NPR3: variants seen among roughly 807,000 people sequenced by gnomAD.
The protein encoded by NPR3 is atrial natriuretic peptide receptor 3.
A neutral mutation model predicts 54.5 loss-of-function variants in NPR3; 34 were observed. The observed-to-expected ratio is 0.62, with a 90% confidence interval of 0.47 to 0.83. The LOEUF (loss-of-function observed/expected upper bound fraction) is 0.83, where lower values mean the gene tolerates loss of function less well. Among genes scored for constraint, NPR3 ranks in the 40% least tolerant of loss-of-function variants. NPR3 has a pLI of 0.00. For missense variants in NPR3, 674 were observed against 720.8 expected (o/e 0.94, Z 0.74); for synonymous variants, 289 against 297.1 (o/e 0.97, Z 0.28).
At chr5:32,732,569 A>G (rs1739519228) in intron 2 of NPR3, among the ~76,000 whole-genome samples, 2 of 152,226 alleles carry the variant, frequency 1.3e-5, no homozygotes, top group African/African-American at 4.8e-5. Flanking sequence ...TAGGAAGGCA[A>G]CTGTCCATCT....
At chr5:32,746,379 T>C (rs575720918) in intron 3 of NPR3, among the ~76,000 whole-genome samples, 2 of 152,230 alleles carry the variant, frequency 1.3e-5, no homozygotes, top group African/African-American at 4.8e-5. Flanking sequence ...TAGCAAAAAG[T>C]AGAAAATTAT....
intron 3 of NPR3, among the ~76,000 whole-genome samples, chr5:32,740,889 CAT>C (rs766262431): frequency 2.8e-4 from 42 of 152,046 alleles, no homozygotes; most frequent in Non-Finnish European, 2.8e-4. Flanking sequence ...TTTAAGGAAA[CAT>C]GTGATAGTGT....
At chr5:32,742,299 C>A (rs569066525) in intron 3 of NPR3, among the ~76,000 whole-genome samples, 225 of 152,066 alleles carry the variant, frequency 1.5e-3, no homozygotes, top group Non-Finnish European at 2.4e-3. Context: ...CTTTTAAATT[C>A]TTCTACTTTT....
rs181602308 is a variant in NPR3 at position 32,747,537 on chromosome 5, T to C, written c.1059+8507T>C. On this transcript the variant is annotated intron_variant, in intron 3 of 7. Coordinates refer to ENST00000265074, the MANE Select transcript of NPR3 (RefSeq NM_001204375.2). ...AGTTTTTTATTTGCTTCTGTGCCTA[T>C]GTAGTTCTTACTGTTTCATTTTCAC... Among the ~76,000 whole-genome samples the C allele has an allele frequency of 2.2e-3, 340 of 152,300 alleles. 2 individuals carry two copies. The highest frequency in any genetic ancestry group is 3.6e-3 in the Non-Finnish European group (245 of 68,020).
intron 1 of NPR3, among the ~76,000 whole-genome samples, chr5:32,713,921 A>T (rs1390221979): frequency 1.3e-5 from 2 of 152,232 alleles, no homozygotes; most frequent in Admixed American, 1.3e-4. Flanking sequence ...CTACCAGCCA[A>T]GCAGGCGGGG....
At chr5:32,745,361 C>A (rs1007803784) in intron 3 of NPR3, among the ~76,000 whole-genome samples, 2 of 152,168 alleles carry the variant, frequency 1.3e-5, no homozygotes, top group Admixed American at 1.3e-4. Context: ...CTGGCCTTTT[C>A]TGGTGGTTTC....
upstream of NPR3, among the ~76,000 whole-genome samples, chr5:32,705,521 T>C (rs896450153): frequency 1.5e-4 from 23 of 152,122 alleles, no homozygotes; most frequent in African/African-American, 5.3e-4. Context: ...AAAGGGGAAG[T>C]AGGCATGTCT....
chr5:32,753,071 A>G (rs548414253), intron 3 of NPR3, among the ~76,000 whole-genome samples: 13 of 152,338 alleles, frequency 8.5e-5, no homozygotes, highest in African/African-American at 3.1e-4. Context: ...TTTCAAAAAT[A>G]CTATTGAAGT....
rs973155890 is a variant in NPR3, at chr5:32,775,637, G to A, written c.1195+794G>A. Among the ~76,000 whole-genome samples the A allele has an allele frequency of 6.6e-5, 10 of 151,750 alleles. No homozygotes were observed. The South Asian group carries it at 1.3e-3, about 19-fold the overall frequency. ...TTTGAGATGGAGTCTCGCTCTTGTCGCCCAGGCTGGGATGCAATGGAGCAA... is the reference window on the plus strand; with the variant it reads ...TTTGAGATGGAGTCTCGCTCTTGTCACCCAGGCTGGGATGCAATGGAGCAA... On this transcript the variant is annotated intron_variant, in intron 4 of 7. Coordinates refer to ENST00000265074, the MANE Select transcript of NPR3 (RefSeq NM_001204375.2).
intron 1 of NPR3, among the ~76,000 whole-genome samples, chr5:32,696,707 G>T (rs1740540679): frequency 6.6e-6 from 1 of 152,016 alleles, no homozygotes; most frequent in Admixed American, 6.5e-5. Context: ...TCATTGAAGA[G>T]ATCTTTCACT....
intron 3 of NPR3, among the ~76,000 whole-genome samples, chr5:32,770,266 C>CA (rs144615604): frequency 0.043 from 6,487 of 151,790 alleles, 472 homozygotes; most frequent in African/African-American, 0.15. Flanking sequence ...CACATCTCTA[C>CA]AAAAAATACA....
At chr5:32,767,518 G>A (rs1391390750) in intron 3 of NPR3, among the ~76,000 whole-genome samples, 1 of 152,132 alleles carries the variant, frequency 6.6e-6, no homozygotes, top group East Asian at 1.9e-4. Context: ...GTTTAATTTA[G>A]CATTTTGTAA....
intron 2 of NPR3, among the ~76,000 whole-genome samples, chr5:32,730,567 A>G (rs538994974): frequency 6.6e-6 from 1 of 152,336 alleles, no homozygotes; most frequent in South Asian, 2.1e-4. Flanking sequence ...CTGTCTATGT[A>G]GAGAATCCCA....
intron 1 of NPR3, chr5:32,716,359 A>G (rs1201442837): frequency 2.3e-6 from 1 of 444,440 alleles, no homozygotes; most frequent in South Asian, 1.6e-5. Context: ...ATCTCTTAAT[A>G]ACATGCTACT....
upstream of NPR3, chr5:32,710,402 C>T: frequency 3.8e-6 from 1 of 266,386 alleles, no homozygotes; most frequent in Non-Finnish European, 7.0e-6. Context: ...GCAAACAAAG[C>T]CCCGAGGACG....
intron 3 of NPR3, among the ~76,000 whole-genome samples, chr5:32,765,448 T>C (rs1248807085): frequency 6.6e-6 from 1 of 152,182 alleles, no homozygotes; most frequent in Non-Finnish European, 1.5e-5. Flanking sequence ...GAGGGGATGA[T>C]GGCATGCTAT....
chr5:32,761,106 C>A (rs1444739187), intron 3 of NPR3, among the ~76,000 whole-genome samples: 1 of 152,006 alleles, frequency 6.6e-6, no homozygotes, highest in African/African-American at 2.4e-5. Context: ...TGTGAGCCCC[C>A]TAATTTGTCC....
chr5:32,758,168 G>A (rs1361293647), intron 3 of NPR3, among the ~76,000 whole-genome samples: 1 of 152,174 alleles, frequency 6.6e-6, no homozygotes, highest in Non-Finnish European at 1.5e-5. Context: ...AATAGTTTCA[G>A]AAGGAATGGT....
intron 1 of NPR3, among the ~76,000 whole-genome samples, chr5:32,704,018 T>C (rs185655655): frequency 6.6e-6 from 1 of 152,370 alleles, no homozygotes; most frequent in African/African-American, 2.4e-5. Flanking sequence ...AGGCTTGTTG[T>C]ATCTCAGGTT....
Sources: allele counts gnomAD v4.1 joint callset (sites outside exome capture counted in the v4.1 genomes callset), GRCh38; gene constraint gnomAD v4.1.1; transcripts MANE v1.5; gene names NCBI Gene and HGNC (gene_info 2026-07-23, HGNC 2026-07-21).